Variants in EIF3H observed in about 807,000 individuals in gnomAD.
The protein encoded by EIF3H is eukaryotic translation initiation factor 3 subunit H, also known as eIF-3-gamma.
Under a neutral mutation model 44.2 loss-of-function variants are expected in EIF3H, and 26 were observed. That is an observed-to-expected ratio of 0.59 (90% confidence interval 0.43 to 0.82). EIF3H has a LOEUF of 0.82. Ranked by LOEUF, EIF3H falls within the 40% of genes least tolerant of loss-of-function variation. The probability of loss-of-function intolerance (pLI) is 0.00; values close to 1 mark genes in which losing one functional copy is unlikely to be tolerated. For missense variants in EIF3H, 359 were observed against 432.8 expected (o/e 0.83, Z 1.51); for synonymous variants, 166 against 151.9 (o/e 1.09, Z -0.68).
intron 2 of EIF3H, among the ~76,000 whole-genome samples, chr8:116,670,384 C>A (rs1218075812): frequency 6.6e-6 from 1 of 152,148 alleles, no homozygotes; most frequent in Non-Finnish European, 1.5e-5. Flanking sequence ...ACCAAAGATA[C>A]ACTATCAGGA....
intron 2 of EIF3H, among the ~76,000 whole-genome samples, chr8:116,691,485 G>C (rs1814172897): frequency 6.6e-6 from 1 of 151,328 alleles, no homozygotes; most frequent in Non-Finnish European, 1.5e-5. Context: ...TTTTCTGCCT[G>C]ACATACCATG....
At chr8:116,735,345 G>A (rs1815016354) in intron 1 of EIF3H, among the ~76,000 whole-genome samples, 1 of 152,192 alleles carries the variant, frequency 6.6e-6, no homozygotes, top group South Asian at 2.1e-4. Context: ...TGCGAAAGCA[G>A]AAAACAGTAA....
chr8:116,701,138 C>A (rs1484397167), intron 2 of EIF3H, among the ~76,000 whole-genome samples: 1 of 152,134 alleles, frequency 6.6e-6, no homozygotes, highest in Non-Finnish European at 1.5e-5. Flanking sequence ...GGAGGGTTCA[C>A]ATCATTCAGT....
At chr8:116,763,936 G>A (rs1179560910) in intron 1 of EIF3H, among the ~76,000 whole-genome samples, 1 of 151,968 alleles carries the variant, frequency 6.6e-6, no homozygotes, top group East Asian at 1.9e-4. Flanking sequence ...TCCTATTTGG[G>A]AATTAGTCAT....
At chr8:116,697,277 T>C in intron 2 of EIF3H, 1 of 441,918 alleles carries the variant, frequency 2.3e-6, no homozygotes, top group South Asian at 1.6e-5. Context: ...AATAGATTTT[T>C]AGGGGTTTTC....
At chr8:116,648,691 A>G in intron 6 of EIF3H, 115 bp downstream of exon 6, 4 of 1,246,942 alleles carry the variant, frequency 3.2e-6, no homozygotes, top group Non-Finnish European at 4.3e-6. Context: ...AATATAATAT[A>G]GAGTAGCTAA....
chr8:116,748,463 C>T (rs1053496498), intron 1 of EIF3H, among the ~76,000 whole-genome samples: 9 of 152,196 alleles, frequency 5.9e-5, no homozygotes, highest in Admixed American at 1.3e-4. Flanking sequence ...AGAAAGCTAA[C>T]TAGCTTATCC....
At chr8:116,666,291 G>A (rs548148328) in intron 2 of EIF3H, among the ~76,000 whole-genome samples, 2 of 152,274 alleles carry the variant, frequency 1.3e-5, no homozygotes, top group Admixed American at 1.3e-4. Flanking sequence ...GGCAGGCATT[G>A]TCGCCCTATT....
intron 2 of EIF3H, among the ~76,000 whole-genome samples, chr8:116,714,338 T>C (rs561452350): frequency 1.3e-5 from 2 of 152,290 alleles, no homozygotes; most frequent in South Asian, 4.1e-4. Context: ...TAGTGGCTGA[T>C]AGCTGAGTGT....
Position 116,755,711 on chromosome 8 carries a change from G to T in EIF3H, c.87C>A (p.Gly29=). 6.2e-7 allele frequency: 1 copy of T among 1,614,050 alleles called. No individual in the cohort carries two copies. The part of the protein sequence containing the change: ...AGAAGKGKGK[G]GSGDSAVKQV... ...GCTTCACGGCTGAATCTCCCGAGCC[G>T]CCTTTGCCTTTGCCTTTCCCTGCTG... Residue 29 remains glycine (G), a synonymous_variant, in exon 1 of 8, where the codon GGC becomes GGA. Coordinates refer to ENST00000521861, the MANE Select transcript of EIF3H (RefSeq NM_003756.3).
chr8:116,699,623 A>G (rs1267887152), intron 2 of EIF3H, among the ~76,000 whole-genome samples: 1 of 152,198 alleles, frequency 6.6e-6, no homozygotes, highest in Non-Finnish European at 1.5e-5. Context: ...TAGCAGGATC[A>G]TCTGTATCCC....
intron 1 of EIF3H, among the ~76,000 whole-genome samples, chr8:116,747,102 G>A (rs1353952757): frequency 2.0e-5 from 3 of 151,932 alleles, no homozygotes; most frequent in South Asian, 2.1e-4. Context: ...TCTGCCTGTC[G>A]TCCAGGTTGG....
At chr8:116,654,045 A>G (rs1813447407) in intron 5 of EIF3H, among the ~76,000 whole-genome samples, 1 of 152,234 alleles carries the variant, frequency 6.6e-6, no homozygotes, top group East Asian at 1.9e-4. Context: ...ATTGAGATGT[A>G]CAAAACTTAT....
At chr8:116,745,805 G>A (rs7011256) in intron 1 of EIF3H, among the ~76,000 whole-genome samples, 76,251 of 151,726 alleles carry the variant, frequency 0.5, 20,869 homozygotes, top group Non-Finnish European at 0.62. Context: ...GTGGCACACA[G>A]CTACTCGGGA....
At position 116,704,894 on chromosome 8, in the gene EIF3H, G is replaced by A. The variant is rs534661369; in HGVS notation, c.289+21122C>T. Among the ~76,000 whole-genome samples the A allele has an allele frequency of 6.6e-5, 10 of 151,728 alleles. No homozygotes were observed. The South Asian group carries it at 1.5e-3, about 22-fold the overall frequency. On this transcript the variant is annotated intron_variant, in intron 2 of 7. Transcript: ENST00000521861. The stretch of plus-strand genomic sequence containing the variant: ...ATTGTATGCAATGTGTAGCTCTCAC[G>A]TTGACAGTGTACTCTGTGATAGTGG...
intron 1 of EIF3H, among the ~76,000 whole-genome samples, chr8:116,744,286 T>A (rs1351361608): frequency 6.6e-6 from 1 of 151,040 alleles, no homozygotes; most frequent in Non-Finnish European, 1.5e-5. Context: ...CCACTTTAGG[T>A]ACTATTTTGG....
chr8:116,654,622 T>C (rs1177584668), intron 5 of EIF3H, among the ~76,000 whole-genome samples: 1 of 152,170 alleles, frequency 6.6e-6, no homozygotes, highest in African/African-American at 2.4e-5. Flanking sequence ...ACAGACAAAT[T>C]AAAGGACTAT....
intron 1 of EIF3H, among the ~76,000 whole-genome samples, chr8:116,743,747 T>C (rs1213137757): frequency 7.4e-6 from 1 of 135,402 alleles, no homozygotes; most frequent in African/African-American, 2.6e-5. Context: ...GACAGAGCGA[T>C]ACCCTGTCTC....
At chr8:116,747,267 T>C (rs1260850659) in intron 1 of EIF3H, among the ~76,000 whole-genome samples, 4 of 152,208 alleles carry the variant, frequency 2.6e-5, no homozygotes, top group Non-Finnish European at 4.4e-5. Flanking sequence ...GGTTTCGCCA[T>C]GTTGGCCAGG....
Sources: allele counts gnomAD v4.1 joint callset (sites outside exome capture counted in the v4.1 genomes callset), GRCh38; gene constraint gnomAD v4.1.1; transcripts MANE v1.5; gene names NCBI Gene and HGNC (gene_info 2026-07-23, HGNC 2026-07-21).